Variants in CNKSR3 observed in about 807,000 individuals in gnomAD.
CNKSR3 encodes connector enhancer of kinase suppressor of ras 3.
CNKSR3 carries 36 observed loss-of-function variants against 67.7 expected under a neutral mutation model. The ratio of observed to expected loss-of-function variants is 0.53; its 90% CI spans 0.41 to 0.70. CNKSR3 has a LOEUF of 0.70. Ranked by LOEUF, CNKSR3 falls within the 30% of genes least tolerant of loss-of-function variation. CNKSR3 has a pLI of 0.00. For synonymous variants in CNKSR3, 281 were observed against 271.4 expected (o/e 1.04, Z -0.35); for missense variants, 630 against 695.2 (o/e 0.91, Z 1.05).
intron 11 of CNKSR3, 72 bp from the exon 12 acceptor site, chr6:154,410,504 T>A: frequency 9.9e-7 from 1 of 1,009,944 alleles, no homozygotes; most frequent in Non-Finnish European, 1.6e-6. Context: ...TCCCTTTATG[T>A]ATAACTTAGA....
intron 5 of CNKSR3, among the ~76,000 whole-genome samples, chr6:154,430,832 GA>G (rs1785352188): frequency 6.6e-6 from 1 of 151,956 alleles, no homozygotes; most frequent in East Asian, 1.9e-4. Context: ...TATGGCCACT[GA>G]AGAGCACAGG....
At chr6:154,451,515 G>A (rs62432708) in intron 1 of CNKSR3, among the ~76,000 whole-genome samples, 5 of 110,606 alleles carry the variant, frequency 4.5e-5, no homozygotes, top group Non-Finnish European at 8.9e-5. Context: ...ACACACACGC[G>A]CACACTCGTG....
rs1388664331 is a variant in CNKSR3 at position 154,433,458 on chromosome 6, A to G, written c.549+8T>C. 6.4e-7 allele frequency: 1 copy of G among 1,567,784 alleles called. No individual in the cohort carries two copies. The highest frequency in any genetic ancestry group is 8.7e-7 in the Non-Finnish European group (1 of 1,145,296). ...AATTTTACAATAACTTTTAGAATGTATACTTACCACAGTTAAAACTTTATC... is the reference window on the plus strand; with the variant it reads ...AATTTTACAATAACTTTTAGAATGTGTACTTACCACAGTTAAAACTTTATC... On this transcript the variant is annotated splice_region_variant and intron_variant, in intron 5 of 12. Coordinates refer to ENST00000607772, the MANE Select transcript of CNKSR3 (RefSeq NM_173515.4).
At position 154,400,853 on chromosome 6, in the gene CNKSR3, T is replaced by A. The variant is rs549842705; in HGVS notation, c.*5501A>T. On this transcript the variant is annotated 3_prime_UTR_variant, in exon 13 of 13. Coordinates refer to ENST00000607772, the MANE Select transcript of CNKSR3 (RefSeq NM_173515.4). ...ACTTTAAGTTGAAACTTGGCAATTG[T>A]GAAATTTCCAAATAATTAAAAGGTA... 1 of 152,332 alleles carries A rather than the reference T, an allele frequency of 6.6e-6. No homozygotes were observed. Among genetic ancestry groups the A allele is most frequent in the South Asian group, 2.1e-4 (1 of 4,832 alleles). The allele number at this position is 152,332 out of a possible 1,614,324, so 9.4% of individuals were successfully genotyped here. A position where few individuals can be genotyped will look rare whatever the true frequency, so the allele number is the denominator to read the frequency against.
chr6:154,485,030 C>G (rs550432096), intron 1 of CNKSR3, among the ~76,000 whole-genome samples: 1 of 152,244 alleles, frequency 6.6e-6, no homozygotes, highest in Admixed American at 6.5e-5. Context: ...CCACTGAAGG[C>G]AGAGCTGCCA....
intron 1 of CNKSR3, among the ~76,000 whole-genome samples, chr6:154,463,456 T>G (rs1249485522): frequency 6.6e-6 from 1 of 152,008 alleles, no homozygotes; most frequent in East Asian, 1.9e-4. Context: ...CCGTGGGAAA[T>G]GAGAAAAAGG....
At chr6:154,451,845 C>T (rs1172859954) in intron 1 of CNKSR3, among the ~76,000 whole-genome samples, 1 of 152,186 alleles carries the variant, frequency 6.6e-6, no homozygotes, top group Admixed American at 6.5e-5. Context: ...CCTGAAATGA[C>T]ATCTGTCTAG....
chr6:154,411,189 T>G, intron 10 of CNKSR3, 47 bp from the exon 11 acceptor site: 1 of 1,380,798 alleles, frequency 7.2e-7, no homozygotes, highest in Non-Finnish European at 1.0e-6. Context: ...AAAGATGTTC[T>G]CATACTGAAG....
intron 9 of CNKSR3, 140 bp from the exon 10 acceptor site, chr6:154,414,563 T>C: frequency 3.5e-6 from 3 of 856,964 alleles, no homozygotes; most frequent in South Asian, 1.5e-5. Flanking sequence ...TTACAGATAT[T>C]GGCAATATTT....
chr6:154,482,635 A>G (rs1786587878), intron 1 of CNKSR3, among the ~76,000 whole-genome samples: 2 of 152,238 alleles, frequency 1.3e-5, no homozygotes, highest in Non-Finnish European at 2.9e-5. Context: ...TGTGCAAATA[A>G]GAATAAACAT....
At chr6:154,437,934 C>A (rs910388407) in intron 4 of CNKSR3, among the ~76,000 whole-genome samples, 4 of 152,092 alleles carry the variant, frequency 2.6e-5, no homozygotes, top group African/African-American at 7.2e-5. Flanking sequence ...TTCCAGAAAA[C>A]AAGTACAAGG....
intron 1 of CNKSR3, among the ~76,000 whole-genome samples, chr6:154,476,366 A>C (rs1317190714): frequency 2.0e-5 from 3 of 151,320 alleles, no homozygotes; most frequent in Non-Finnish European, 1.5e-5. Flanking sequence ...CTGAGGCAGG[A>C]GAATCACTTG....
intron 1 of CNKSR3, among the ~76,000 whole-genome samples, chr6:154,462,353 G>A (rs1254945358): frequency 6.6e-6 from 1 of 151,262 alleles, no homozygotes; most frequent in African/African-American, 2.4e-5. Flanking sequence ...CTGTCTCTAT[G>A]GATTTGCCTG....
chr6:154,431,773 G>C (rs1213618770), intron 5 of CNKSR3, among the ~76,000 whole-genome samples: 1 of 151,986 alleles, frequency 6.6e-6, no homozygotes, highest in Non-Finnish European at 1.5e-5. Context: ...AGTCTTTTCA[G>C]ACTGCCTTAT....
intron 9 of CNKSR3, among the ~76,000 whole-genome samples, chr6:154,415,292 G>A (rs1375524563): frequency 3.6e-5 from 5 of 137,432 alleles, no homozygotes; most frequent in Admixed American, 2.4e-4. Context: ...GCACAGTGGC[G>A]CCATCTTGGC....
At chr6:154,448,835 C>A (rs948688812) in intron 2 of CNKSR3, among the ~76,000 whole-genome samples, 1 of 152,176 alleles carries the variant, frequency 6.6e-6, no homozygotes, top group African/African-American at 2.4e-5. Flanking sequence ...CGCAGACCAG[C>A]GACGGCAAAA....
At chr6:154,476,175 G>A (rs1236970219) in intron 1 of CNKSR3, among the ~76,000 whole-genome samples, 2 of 151,990 alleles carry the variant, frequency 1.3e-5, no homozygotes, top group African/African-American at 2.4e-5. Flanking sequence ...CAGACCTTCG[G>A]GCCGGGCGCG....
chr6:154,434,430 G>A (rs765328036), intron 4 of CNKSR3, among the ~76,000 whole-genome samples: 73 of 152,138 alleles, frequency 4.8e-4, no homozygotes, highest in Non-Finnish European at 8.4e-4. Context: ...TTATGTACAT[G>A]ACAAAATGTT....
rs1340299458 is a variant in CNKSR3 at position 154,391,799 on chromosome 6, C to T, written c.*14555G>A. On this transcript the variant is annotated 3_prime_UTR_variant, in exon 13 of 13. Coordinates refer to ENST00000607772, the MANE Select transcript of CNKSR3 (RefSeq NM_173515.4). Reference sequence around the variant, plus strand: ...CTCTCTGTCACATACCTGTAGCTTCCTTCCTTTCCCACAATCTTGCTGCCC... The same window carrying T: ...CTCTCTGTCACATACCTGTAGCTTCTTTCCTTTCCCACAATCTTGCTGCCC... 1 of 152,248 alleles carries T rather than the reference C, an allele frequency of 6.6e-6. No homozygotes were observed. The highest frequency in any genetic ancestry group is 2.4e-5 in the African/African-American group (1 of 41,446). 9.4% of individuals were successfully genotyped at this position (152,248 alleles called of 1,614,324 possible).
Sources: allele counts gnomAD v4.1 joint callset (sites outside exome capture counted in the v4.1 genomes callset), GRCh38; gene constraint gnomAD v4.1.1; transcripts MANE v1.5; gene names NCBI Gene and HGNC (gene_info 2026-07-23, HGNC 2026-07-21).